The following SLC6A16 variants were observed in gnomAD, a reference collection of about 807,000 sequenced individuals.
The protein encoded by SLC6A16 is solute carrier family 6 member 16.
SLC6A16 carries 54 observed loss-of-function variants against 65.4 expected under a neutral mutation model. The observed-to-expected ratio is 0.83, with a 90% CI of 0.66 to 1.04. The LOEUF (loss-of-function observed/expected upper bound fraction) is 1.04, where lower values mean the gene tolerates loss of function less well. Ranked by LOEUF, SLC6A16 falls within the 50% of genes least tolerant of loss-of-function variation. SLC6A16 has a pLI of 0.00. For synonymous variants in SLC6A16, 330 were observed against 346.5 expected, an observed-to-expected ratio of 0.95 and a Z score of 0.53; for missense variants, 816 against 914.0, an observed-to-expected ratio of 0.89 and a Z score of 1.38.
chr19:49,299,602 G>GA (rs770862202), intron 7 of SLC6A16, among the ~76,000 whole-genome samples: 1,391 of 115,252 alleles, frequency 0.012, 25 homozygotes, highest in African/African-American at 0.033. Context: ...AATGTGCTAG[G>GA]AAAAAAAAAA....
the SLC6A16 span, chr19:49,339,584 A>T: frequency 6.9e-7 from 1 of 1,452,070 alleles, no homozygotes; most frequent in East Asian, 2.5e-5. The surrounding 1 kb of genome is among the most constrained non-coding windows in gnomAD (Gnocchi z 4.5). Flanking sequence ...GCCCAGCTTC[A>T]GGGAGCCCTG....
intron 7 of SLC6A16, among the ~76,000 whole-genome samples, chr19:49,299,845 A>G (rs1338815688): frequency 6.6e-6 from 1 of 151,436 alleles, no homozygotes; most frequent in Non-Finnish European, 1.5e-5. Context: ...CAACATGGTG[A>G]AACCCTGTCT....
chr19:49,308,672 G>C (rs370522167), intron 7 of SLC6A16: 1 of 626,286 alleles, frequency 1.6e-6, no homozygotes, highest in African/African-American at 1.8e-5. Flanking sequence ...TTTATTTCTA[G>C]GGTGACAAAA....
the SLC6A16 span, chr19:49,338,805 T>A: frequency 1.2e-6 from 2 of 1,613,854 alleles, no homozygotes; most frequent in Non-Finnish European, 1.7e-6. The surrounding 1 kb of genome is among the most constrained non-coding windows in gnomAD (Gnocchi z 5.0). Flanking sequence ...CTACAACTTG[T>A]CGGCGACCAA....
chr19:49,327,556 A>AG (rs1429464054), upstream of SLC6A16, among the ~76,000 whole-genome samples: 1 of 152,232 alleles, frequency 6.6e-6, no homozygotes, highest in African/African-American at 2.4e-5. Context: ...GAAAAGTCTC[A>AG]GTCGGTCAAT....
At chr19:49,293,655 T>C (rs1419133221) in intron 9 of SLC6A16, among the ~76,000 whole-genome samples, 172 bp downstream of exon 9, 1 of 152,012 alleles carries the variant, frequency 6.6e-6, no homozygotes, top group Non-Finnish European at 1.5e-5. Context: ...TCCCAACTAC[T>C]GGGGAGGCTG....
At chr19:49,302,686 G>C (rs1970311948) in intron 7 of SLC6A16, among the ~76,000 whole-genome samples, 1 of 152,108 alleles carries the variant, frequency 6.6e-6, no homozygotes, top group African/African-American at 2.4e-5. Context: ...CACAATAATG[G>C]TTCTAAAGAA....
intron 2 of SLC6A16, 64 bp downstream of exon 2, chr19:49,310,869 G>C: frequency 2.4e-6 from 3 of 1,225,536 alleles, no homozygotes; most frequent in Non-Finnish European, 3.5e-6. Context: ...CATGGTTAAA[G>C]CCTGGACAGG....
chr19:49,293,752 C>T lies in SLC6A16; in HGVS notation c.1618+75G>A, dbSNP rs150873680. ...GCACTCCAGCCTGGGCTACAGGGAC[C>T]CTGTCCCAAAAAAAGAGTCCCAGTG... On this transcript the variant is annotated intron_variant, in intron 9 of 11. Transcript: ENST00000335875. The T allele has an allele frequency of 7.3e-4, 978 of 1,333,198 alleles. 8 individuals carry two copies. In the East Asian group the frequency reaches 0.021, roughly 28 times the overall value. The allele number at this position is 1,333,198 out of a possible 1,614,324, so 82.6% of individuals were successfully genotyped here.
intron 7 of SLC6A16, among the ~76,000 whole-genome samples, chr19:49,302,896 A>C (rs1970315763): frequency 6.6e-6 from 1 of 152,220 alleles, no homozygotes; most frequent in African/African-American, 2.4e-5. Flanking sequence ...AGAAAGAATA[A>C]GCAAATTCAA....
Position 49,309,069 on chromosome 19 carries a change from C to T in SLC6A16, c.1036G>A (p.Val346Ile), listed in dbSNP as rs1299282427. 1 of 1,614,072 alleles carries T rather than the reference C, an allele frequency of 6.2e-7. No homozygotes were observed. The highest frequency in any genetic ancestry group is 8.5e-7 in the Non-Finnish European group (1 of 1,180,034). ...MSVWSLAGGQ[V>I]LSNTGIGLGS... ...AGGCCTATGCCTGTGTTAGACAAAA[C>T]TTGACCCCCTGCTAGAGACCACACA... The change falls in exon 7 of 12, where the codon GTT (valine) becomes ATT (isoleucine). Residue 346 changes from valine to isoleucine, a missense_variant. Transcript: ENST00000335875.
chr19:49,339,308 A>G, the SLC6A16 span: 1 of 1,608,354 alleles, frequency 6.2e-7, no homozygotes, highest in East Asian at 2.2e-5. The surrounding 1 kb of genome is among the most constrained non-coding windows in gnomAD (Gnocchi z 4.5). Context: ...GAATCCCTTT[A>G]ACTTTTCCCT....
At chr19:49,317,276 G>A (rs1210590894) in intron 1 of SLC6A16, among the ~76,000 whole-genome samples, 1 of 152,074 alleles carries the variant, frequency 6.6e-6, no homozygotes, top group Non-Finnish European at 1.5e-5. Context: ...AGGAGGGGGA[G>A]GTTGCAGTGA....
At chr19:49,302,539 G>C (rs1970309654) in intron 7 of SLC6A16, among the ~76,000 whole-genome samples, 1 of 152,190 alleles carries the variant, frequency 6.6e-6, no homozygotes, top group South Asian at 2.1e-4. Flanking sequence ...TGAAGTTAAT[G>C]CTTCTTCAAA....
intron 1 of SLC6A16, among the ~76,000 whole-genome samples, chr19:49,322,067 T>C (rs1322353694): frequency 6.6e-6 from 1 of 152,198 alleles, no homozygotes; most frequent in Non-Finnish European, 1.5e-5. Flanking sequence ...GCCACTTTTA[T>C]TCAACATAGT....
chr19:49,325,394 G>A (rs373504009), upstream of SLC6A16, among the ~76,000 whole-genome samples: 2 of 152,084 alleles, frequency 1.3e-5, no homozygotes, highest in Admixed American at 6.6e-5. Flanking sequence ...CGACACCCAC[G>A]ATGCCACGCT....
At position 49,310,169 on chromosome 19, in the gene SLC6A16, G is replaced by A; in HGVS notation, c.574-3C>T. 6.2e-7 allele frequency: 1 copy of A among 1,614,016 alleles called. No homozygotes were observed. The highest frequency in any genetic ancestry group is 8.5e-7 in the Non-Finnish European group (1 of 1,179,980). On this transcript the variant is annotated splice_polypyrimidine_tract_variant and splice_region_variant and intron_variant, in intron 3 of 11. Transcript: ENST00000335875. ...TACAGGCCGAGGATGAAGCACACCT[G>A]GGGGCCAAGGAGGATATGGCTGGGG...
chr19:49,336,231 G>A, the SLC6A16 span: 319 of 177,400 alleles, frequency 1.8e-3, 1 homozygote, highest in African/African-American at 7.2e-3. Context: ...TTGAGGACTG[G>A]GTTGAACACA....
At position 49,304,951 on chromosome 19, in the gene SLC6A16, T is replaced by C. The variant is rs74787647; in HGVS notation, c.1229+3925A>G. 7.2e-3 allele frequency among the ~76,000 whole-genome samples: 1,104 copies of C among 152,316 alleles called. 16 individuals are homozygous for C. Among genetic ancestry groups the C allele is most frequent in the African/African-American group, 0.025 (1,039 of 41,562 alleles). ...CAATTATAAATTGGCACAGATACTA[T>C]GGAAAGTAATTTGGCATCATCTGTG... On this transcript the variant is annotated intron_variant, in intron 7 of 11. Coordinates refer to ENST00000335875, the MANE Select transcript of SLC6A16 (RefSeq NM_014037.3).
Sources: gnomAD v4.1 joint callset for allele counts (sites outside exome capture counted in the v4.1 genomes callset) on GRCh38, gnomAD v4.1.1 for gene constraint, Gnocchi (gnomAD v3.1) non-coding constraint, MANE v1.5 for transcripts, NCBI Gene and HGNC (gene_info 2026-07-23, HGNC 2026-07-21) for gene names.